The following RAB27B variants were observed in gnomAD, a reference collection of about 807,000 sequenced individuals.
The protein encoded by RAB27B is ras-related protein Rab-27B.
RAB27B carries 15 observed loss-of-function variants against 24.6 expected under a neutral mutation model. The ratio of observed to expected loss-of-function variants is 0.61; its 90% CI spans 0.41 to 0.94. The LOEUF is 0.94. Among genes scored for constraint, RAB27B ranks in the 40% least tolerant of loss-of-function variants. The pLI is 0.00. For missense variants in RAB27B, 261 were observed against 266.8 expected, an observed-to-expected ratio of 0.98 and a Z score of 0.15; for synonymous variants, 105 against 92.5, an observed-to-expected ratio of 1.14 and a Z score of -0.78.
At chr18:54,744,166 A>T (rs1297276920) in intron 2 of RAB27B, among the ~76,000 whole-genome samples, 1 of 152,204 alleles carries the variant, frequency 6.6e-6, no homozygotes, top group African/African-American at 2.4e-5. Flanking sequence ...GGCTACTTGT[A>T]TATCTCCTAG....
intron 1 of RAB27B, among the ~76,000 whole-genome samples, chr18:54,832,985 G>A (rs1378013602): frequency 2.0e-5 from 3 of 152,146 alleles, no homozygotes; most frequent in Admixed American, 1.3e-4. Flanking sequence ...GTACATAGAA[G>A]CTCTAATAAA....
chr18:54,734,652 T>C (rs973951148), intron 2 of RAB27B, among the ~76,000 whole-genome samples: 6 of 152,218 alleles, frequency 3.9e-5, no homozygotes, highest in Non-Finnish European at 4.4e-5. Context: ...GATATATTTA[T>C]ATGAATATTT....
chr18:54,828,745 C>T (rs1159003929), intron 1 of RAB27B, 45 bp downstream of exon 1: 3 of 152,552 alleles, frequency 2.0e-5, no homozygotes, highest in Non-Finnish European at 4.4e-5. Context: ...GCGTTCCCAC[C>T]CACCCGGGTG....
At chr18:54,881,605 A>G (rs1328892477) in intron 3 of RAB27B, among the ~76,000 whole-genome samples, 5 of 152,094 alleles carry the variant, frequency 3.3e-5, no homozygotes, top group African/African-American at 1.2e-4. Context: ...ATTTCTGTTC[A>G]TCATTGGTTT....
intron 1 of RAB27B, among the ~76,000 whole-genome samples, chr18:54,835,762 T>G (rs1055049573): frequency 6.6e-6 from 1 of 152,038 alleles, no homozygotes; most frequent in Non-Finnish European, 1.5e-5. Flanking sequence ...AACTTTGGGT[T>G]TGCTTTTCTC....
intron 2 of RAB27B, among the ~76,000 whole-genome samples, chr18:54,721,245 A>G (rs1598856352): frequency 6.6e-6 from 1 of 152,176 alleles, no homozygotes; most frequent in African/African-American, 2.4e-5. Flanking sequence ...TTGATATGCA[A>G]GTTTATCCAA....
At chr18:54,785,189 C>T (rs1214321004) in intron 2 of RAB27B, among the ~76,000 whole-genome samples, 1 of 152,144 alleles carries the variant, frequency 6.6e-6, no homozygotes, top group East Asian at 1.9e-4. Context: ...GCAACCTTCG[C>T]CTCCCAGGTT....
At chr18:54,798,706 C>G (rs1446868137) in intron 2 of RAB27B, among the ~76,000 whole-genome samples, 1 of 152,218 alleles carries the variant, frequency 6.6e-6, no homozygotes, top group African/African-American at 2.4e-5. Context: ...CTTGGAGATT[C>G]TGAAACTTCT....
At chr18:54,722,059 T>C (rs577955497) in intron 2 of RAB27B, among the ~76,000 whole-genome samples, 5 of 152,350 alleles carry the variant, frequency 3.3e-5, no homozygotes, top group Admixed American at 2.6e-4. Flanking sequence ...AATGAGATGA[T>C]ATATGTTGAC....
intron 2 of RAB27B, among the ~76,000 whole-genome samples, chr18:54,772,258 A>G (rs1356972930): frequency 2.0e-5 from 3 of 152,176 alleles, no homozygotes; most frequent in South Asian, 2.1e-4. Flanking sequence ...TAGTAACATA[A>G]TGTATCATGG....
At chr18:54,778,159 A>G (rs1368836642) in intron 2 of RAB27B, among the ~76,000 whole-genome samples, 1 of 152,188 alleles carries the variant, frequency 6.6e-6, no homozygotes, top group African/African-American at 2.4e-5. Flanking sequence ...ACACCTCATA[A>G]ATAATATAAT....
At chr18:54,794,539 G>A (rs534472861) in intron 2 of RAB27B, among the ~76,000 whole-genome samples, 1 of 152,188 alleles carries the variant, frequency 6.6e-6, no homozygotes, top group Non-Finnish European at 1.5e-5. Flanking sequence ...TTCTCTGTCT[G>A]AGGATATTAA....
At chr18:54,827,818 A>C (rs1280094057), upstream of RAB27B, among the ~76,000 whole-genome samples, 1 of 152,198 alleles carries the variant, frequency 6.6e-6, no homozygotes. Flanking sequence ...ATGGAATCCC[A>C]AGATGGGCAG....
chr18:54,748,195 T>A (rs1910316553), intron 2 of RAB27B, among the ~76,000 whole-genome samples: 1 of 152,092 alleles, frequency 6.6e-6, no homozygotes, highest in South Asian at 2.1e-4. Context: ...ATCTACAAAA[T>A]CATCTGAGTT....
intron 2 of RAB27B, among the ~76,000 whole-genome samples, chr18:54,793,969 TA>T (rs143525845): frequency 0.014 from 2,067 of 152,320 alleles, 43 homozygotes; most frequent in African/African-American, 0.047. Context: ...ATGATCCACA[TA>T]AAAATGCACA....
intron 1 of RAB27B, among the ~76,000 whole-genome samples, chr18:54,835,488 C>T (rs1227743054): frequency 1.3e-5 from 2 of 151,914 alleles, no homozygotes; most frequent in Non-Finnish European, 2.9e-5. Flanking sequence ...AATACCTATT[C>T]TCAAATACTG....
At chr18:54,747,540 T>G (rs1910291036) in intron 2 of RAB27B, among the ~76,000 whole-genome samples, 1 of 152,186 alleles carries the variant, frequency 6.6e-6, no homozygotes, top group Admixed American at 6.5e-5. Flanking sequence ...CAGTGGATAA[T>G]TCAGTCTGAG....
chr18:54,874,976 A>G (rs576344969), intron 1 of RAB27B, among the ~76,000 whole-genome samples: 13 of 152,286 alleles, frequency 8.5e-5, no homozygotes, highest in Non-Finnish European at 1.2e-4. Flanking sequence ...GTTGACTAAG[A>G]GCAGCAACTA....
intron 2 of RAB27B, among the ~76,000 whole-genome samples, chr18:54,728,877 AAAAAAAAAAAAAAAAAAAAAAAACCC>A (rs1451349923): frequency 0.027 from 2,414 of 88,450 alleles, 32 homozygotes; most frequent in Middle Eastern, 0.092. Context: ...CTCTGTCTCA[AAAAAAAAAAAAAAAAAAAAAAAACCC>A]AAAAAAAAAA....
Sources: allele counts gnomAD v4.1 joint callset (sites outside exome capture counted in the v4.1 genomes callset), GRCh38; gene constraint gnomAD v4.1.1; transcripts MANE v1.5; gene names NCBI Gene and HGNC (gene_info 2026-07-23, HGNC 2026-07-21).